The following AP3B1 variants were observed in gnomAD, a reference collection of about 807,000 sequenced individuals.
AP3B1 encodes the protein adaptor related protein complex 3 subunit beta 1, also known as AP-3 complex subunit beta-1.
AP3B1 carries 61 observed loss-of-function variants against 132.5 expected under a neutral mutation model. The ratio of observed to expected loss-of-function variants is 0.46; its 90% CI spans 0.37 to 0.57. AP3B1 has a LOEUF of 0.57. Ranked by LOEUF, AP3B1 falls within the 20% of genes least tolerant of loss-of-function variation. The pLI, the probability that AP3B1 is intolerant of heterozygous loss-of-function variation, is 0.00. For missense variants in AP3B1, 1,120 were observed against 1,289.4 expected (o/e 0.87, Z 2.01); for synonymous variants, 388 against 438.3 (o/e 0.89, Z 1.43).
intron 14 of AP3B1, among the ~76,000 whole-genome samples, chr5:78,152,258 A>T (rs373898310): frequency 1.3e-5 from 2 of 151,556 alleles, no homozygotes; most frequent in African/African-American, 4.8e-5. Flanking sequence ...ACTTGGTATT[A>T]GTTCTTCTTT....
intron 20 of AP3B1, among the ~76,000 whole-genome samples, chr5:78,106,133 T>G (rs569969552): frequency 6.6e-6 from 1 of 152,166 alleles, no homozygotes; most frequent in Non-Finnish European, 1.5e-5. Context: ...AGAGTGTTAA[T>G]AGAACCACAA....
intron 23 of AP3B1, among the ~76,000 whole-genome samples, chr5:78,035,062 T>A (rs572995708): frequency 1.3e-5 from 2 of 151,846 alleles, no homozygotes; most frequent in Non-Finnish European, 1.5e-5. Context: ...AAACAAAAAA[T>A]AAAATGACAT....
intron 17 of AP3B1, among the ~76,000 whole-genome samples, chr5:78,125,794 T>C (rs1752430399): frequency 6.6e-6 from 1 of 152,168 alleles, no homozygotes; most frequent in Non-Finnish European, 1.5e-5. Flanking sequence ...AATTTGTCTC[T>C]GTTGAATTGG....
chr5:78,044,507 A>T (rs1748238122), intron 22 of AP3B1, among the ~76,000 whole-genome samples: 1 of 152,256 alleles, frequency 6.6e-6, no homozygotes, highest in Non-Finnish European at 1.5e-5. Context: ...GGAAATTCAT[A>T]AAAAGTTGGC....
At chr5:78,063,251 T>C (rs1289337685) in intron 22 of AP3B1, among the ~76,000 whole-genome samples, 1 of 152,204 alleles carries the variant, frequency 6.6e-6, no homozygotes, top group African/African-American at 2.4e-5. Context: ...AGTAAATCTA[T>C]ATTATACCTA....
At chr5:78,030,073 A>G (rs1369735578) in intron 24 of AP3B1, among the ~76,000 whole-genome samples, 1 of 152,110 alleles carries the variant, frequency 6.6e-6, no homozygotes, top group East Asian at 1.9e-4. Flanking sequence ...ATACGTTGAT[A>G]AATTTCGTAG....
At chr5:78,024,081 C>T (rs145995647) in intron 24 of AP3B1, among the ~76,000 whole-genome samples, 145 of 151,928 alleles carry the variant, frequency 9.5e-4, no homozygotes, top group African/African-American at 2.9e-3. Flanking sequence ...TGGAAACAGC[C>T]GAAAAGGAGT....
chr5:78,085,611 C>T (rs1750209308), intron 22 of AP3B1, among the ~76,000 whole-genome samples: 1 of 152,086 alleles, frequency 6.6e-6, no homozygotes, highest in South Asian at 2.1e-4. Context: ...TTTTCCAGTT[C>T]TAGTCCTTTT....
intron 25 of AP3B1, among the ~76,000 whole-genome samples, chr5:78,017,028 T>C (rs1279049509): frequency 1.3e-5 from 2 of 152,106 alleles, no homozygotes; most frequent in Admixed American, 1.3e-4. Context: ...AAGGAAATGT[T>C]GTACAAAGCC....
chr5:78,123,610 C>A (rs34612810), intron 17 of AP3B1, among the ~76,000 whole-genome samples: 26,105 of 152,218 alleles, frequency 0.17, 2,847 homozygotes, highest in Admixed American at 0.28. Context: ...CTCGTCATCA[C>A]TGACCATCAG....
chr5:78,225,020 A>G (rs1460280041), intron 6 of AP3B1, among the ~76,000 whole-genome samples: 1 of 152,084 alleles, frequency 6.6e-6, no homozygotes, highest in Non-Finnish European at 1.5e-5. Context: ...TTTATTGAAC[A>G]TTATCCAGGA....
rs144420604 is a variant in AP3B1 at position 78,039,239 on chromosome 5, G to T, written c.2613C>A (p.His871Gln). 5 of 1,614,126 alleles carry T rather than the reference G, an allele frequency of 3.1e-6. No homozygotes were observed. The highest frequency in any genetic ancestry group is 8.5e-7 in the Non-Finnish European group (1 of 1,180,010). Residue 871 changes from histidine (H) to glutamine (Q), a missense_variant, in exon 23 of 27, where the codon CAC (histidine) becomes CAA (glutamine). Transcript: ENST00000255194. Reference protein sequence around the residue: ...STPAFVPTKTHVLLHRMSGKG... With the variant: ...STPAFVPTKTQVLLHRMSGKG... ...TTCCACTCATTCGATGAAGCAGCACGTGAGTTTTCGTTGGTACAAATGCAG... is the reference window on the plus strand; with the variant it reads ...TTCCACTCATTCGATGAAGCAGCACTTGAGTTTTCGTTGGTACAAATGCAG...
At chr5:78,174,021 T>C (rs2112397413) in intron 11 of AP3B1, among the ~76,000 whole-genome samples, 1 of 152,330 alleles carries the variant, frequency 6.6e-6, no homozygotes. Context: ...GTGCCACAGT[T>C]TTCAGTTCCA....
intron 21 of AP3B1, among the ~76,000 whole-genome samples, chr5:78,097,299 C>T (rs2112223778): frequency 7.4e-6 from 1 of 135,252 alleles, no homozygotes; most frequent in Non-Finnish European, 1.6e-5. Flanking sequence ...GGGTCAGCCC[C>T]CCGCCCGGCC....
chr5:78,001,987 A>G (rs964132147), downstream of AP3B1: 6 of 152,246 alleles, frequency 3.9e-5, no homozygotes, highest in African/African-American at 1.4e-4. Context: ...TATGCTAGTT[A>G]GTTTCCAAAG....
intron 25 of AP3B1, 189 bp from the exon 26 acceptor site, chr5:78,015,737 T>G (rs890803932): frequency 2.1e-5 from 12 of 577,976 alleles, no homozygotes; most frequent in Non-Finnish European, 3.3e-5. Context: ...AAAATCCTCA[T>G]TGTATAGGAA....
intron 13 of AP3B1, among the ~76,000 whole-genome samples, chr5:78,158,328 G>C (rs1273362524): frequency 1.3e-5 from 2 of 152,046 alleles, no homozygotes; most frequent in Non-Finnish European, 2.9e-5. Flanking sequence ...GTTGTGGCAC[G>C]TGCCTATAGT....
chr5:78,089,353 C>G, intron 22 of AP3B1, 40 bp downstream of exon 22: 1 of 1,397,250 alleles, frequency 7.2e-7, no homozygotes. Context: ...ACAATGGCAA[C>G]ATAAGAAAAC....
intron 22 of AP3B1, among the ~76,000 whole-genome samples, chr5:78,060,606 C>T (rs563882110): frequency 6.6e-5 from 10 of 152,240 alleles, no homozygotes; most frequent in Non-Finnish European, 1.2e-4. Context: ...CCGACTCATA[C>T]GCTACTGAAC....
Sources: allele counts gnomAD v4.1 joint callset (sites outside exome capture counted in the v4.1 genomes callset), GRCh38; gene constraint gnomAD v4.1.1; transcripts MANE v1.5; gene names NCBI Gene and HGNC (gene_info 2026-07-23, HGNC 2026-07-21).